ASTN1: variants seen among roughly 807,000 people sequenced by gnomAD.
ASTN1 encodes the protein astrotactin 1, also known as astrotactin-1.
In ASTN1, 41 loss-of-function variants were observed where a neutral mutation model predicts 140.7. The ratio of observed to expected loss-of-function variants is 0.29; its 90% CI spans 0.23 to 0.38. The LOEUF is 0.38. ASTN1 is among the 10% of genes least tolerant of loss of function. ASTN1 has a pLI of 1.00. For missense variants in ASTN1, 1,479 were observed against 1,678.8 expected (o/e 0.88, Z 2.08); for synonymous variants, 640 against 652.2 (o/e 0.98, Z 0.29).
intron 8 of ASTN1, among the ~76,000 whole-genome samples, chr1:177,006,369 C>T (rs1674994870): frequency 1.3e-5 from 2 of 150,496 alleles, no homozygotes; most frequent in Non-Finnish European, 1.5e-5. Flanking sequence ...GTTTTCTCTA[C>T]ACATGGGATA....
intron 1 of ASTN1, among the ~76,000 whole-genome samples, chr1:177,160,842 A>G (rs775054102): frequency 1.7e-4 from 26 of 152,366 alleles, no homozygotes; most frequent in Admixed American, 5.9e-4. Flanking sequence ...TTCACCACAC[A>G]TCTGAAAGCA....
At chr1:176,993,356 T>C (rs1674280108) in intron 8 of ASTN1, among the ~76,000 whole-genome samples, 1 of 152,166 alleles carries the variant, frequency 6.6e-6, no homozygotes, top group Non-Finnish European at 1.5e-5. Context: ...CTTATTTGGC[T>C]ATATGTGGGT....
chr1:176,962,341 G>A (rs1672700049), intron 9 of ASTN1, among the ~76,000 whole-genome samples: 1 of 152,186 alleles, frequency 6.6e-6, no homozygotes, highest in African/African-American at 2.4e-5. Context: ...ATTTGGGATT[G>A]CAGATTATCA....
At chr1:176,928,648 G>T (rs1156263436) in intron 16 of ASTN1, among the ~76,000 whole-genome samples, 4 of 152,204 alleles carry the variant, frequency 2.6e-5, no homozygotes, top group African/African-American at 9.6e-5. Context: ...ATGCCCCAAG[G>T]CTTGGAAGTG....
At chr1:176,967,191 T>C (rs1392073448) in intron 8 of ASTN1, among the ~76,000 whole-genome samples, 2 of 152,160 alleles carry the variant, frequency 1.3e-5, no homozygotes, top group Non-Finnish European at 2.9e-5. Flanking sequence ...CTCCATAAAG[T>C]ATCCAAACAA....
chr1:176,934,011 T>C (rs890418299), intron 16 of ASTN1, 141 bp downstream of exon 16: 3 of 896,964 alleles, frequency 3.3e-6, no homozygotes, highest in Non-Finnish European at 4.7e-6. Context: ...ACCTTGGAAA[T>C]GTTACAGATG....
At chr1:176,899,916 C>T (rs1227133737) in intron 16 of ASTN1, among the ~76,000 whole-genome samples, 1 of 152,198 alleles carries the variant, frequency 6.6e-6, no homozygotes, top group Non-Finnish European at 1.5e-5. Context: ...GAAGATAGGA[C>T]ATAAACTGAC....
chr1:177,147,590 T>C (rs966922203), intron 1 of ASTN1, among the ~76,000 whole-genome samples: 11 of 152,040 alleles, frequency 7.2e-5, no homozygotes, highest in Admixed American at 2.0e-4. Context: ...ATGAAAAGAA[T>C]TAGAGGGAAA....
chr1:177,004,920 A>C (rs1372538097), intron 8 of ASTN1, among the ~76,000 whole-genome samples: 2 of 152,190 alleles, frequency 1.3e-5, no homozygotes, highest in Non-Finnish European at 2.9e-5. Flanking sequence ...GCCTAGGCAA[A>C]TAATTTATGA....
At chr1:177,074,460 T>C (rs1678793143) in intron 1 of ASTN1, among the ~76,000 whole-genome samples, 1 of 152,336 alleles carries the variant, frequency 6.6e-6, no homozygotes, top group South Asian at 2.1e-4. Context: ...GATCACTATG[T>C]ATGGCACACC....
At chr1:177,094,167 T>C (rs965735006) in intron 1 of ASTN1, among the ~76,000 whole-genome samples, 2 of 152,224 alleles carry the variant, frequency 1.3e-5, no homozygotes, top group African/African-American at 4.8e-5. Flanking sequence ...TCAAATGAGA[T>C]AGATATTATC....
intron 16 of ASTN1, among the ~76,000 whole-genome samples, chr1:176,897,324 C>G (rs868845430): frequency 1.3e-5 from 2 of 150,636 alleles, no homozygotes; most frequent in Non-Finnish European, 3.0e-5. Context: ...CCGGCCCCCC[C>G]ACCAAAAAAA....
intron 1 of ASTN1, among the ~76,000 whole-genome samples, chr1:177,156,746 G>T (rs1161420190): frequency 6.6e-6 from 1 of 152,236 alleles, no homozygotes; most frequent in East Asian, 1.9e-4. Flanking sequence ...AGGGTAAAAA[G>T]GTAACTTTAC....
chr1:177,146,093 T>C (rs368172021), intron 1 of ASTN1, among the ~76,000 whole-genome samples: 219 of 152,250 alleles, frequency 1.4e-3, no homozygotes, highest in African/African-American at 5.0e-3. Context: ...AAGCCATATA[T>C]TTTATTAAAA....
rs61332732 is a variant in ASTN1 at position 176,866,653 on chromosome 1, AAAT to A, written c.3648-2135_3648-2133del. Among the ~76,000 whole-genome samples the A allele has an allele frequency of 9.9e-5, 15 of 152,184 alleles. No individual in the cohort carries two copies. In the South Asian group the frequency reaches 1.2e-3, roughly 13 times the overall value. ...CGTTGCTGCTTTCAGTGCTCACTTTAAATAATAATAATTAATTTGGGATTGCCA... is the reference window on the plus strand; with the variant it reads ...CGTTGCTGCTTTCAGTGCTCACTTTAAATAATAATTAATTTGGGATTGCCA... On this transcript the variant is annotated intron_variant, in intron 22 of 22. Coordinates refer to ENST00000361833, the MANE Select transcript of ASTN1 (RefSeq NM_004319.3).
chr1:177,091,128 G>A (rs1679730049), intron 1 of ASTN1, among the ~76,000 whole-genome samples: 2 of 152,174 alleles, frequency 1.3e-5, no homozygotes, highest in South Asian at 4.1e-4. Context: ...TTAGGTGCAT[G>A]TACTGAATTA....
intron 1 of ASTN1, among the ~76,000 whole-genome samples, chr1:177,118,266 T>C (rs1402616344): frequency 6.6e-6 from 1 of 152,202 alleles, no homozygotes; most frequent in African/African-American, 2.4e-5. Flanking sequence ...GTAATAACAA[T>C]GGTCTTTGAA....
chr1:176,888,262 A>AATCAAGAGGCAGAGTGTCAAGG, intron 17 of ASTN1, 58 bp from the exon 18 acceptor site: 3 of 1,590,970 alleles, frequency 1.9e-6, no homozygotes, highest in Non-Finnish European at 2.6e-6. Context: ...AGGCCATCAG[A>AATCAAGAGGCAGAGTGTCAAGG]ATCAAGAGGC....
intron 1 of ASTN1, among the ~76,000 whole-genome samples, chr1:177,095,570 G>T (rs1199889046): frequency 6.6e-6 from 1 of 152,142 alleles, no homozygotes; most frequent in African/African-American, 2.4e-5. Flanking sequence ...AGGTACCAGT[G>T]GTAAACCTTG....
Sources: allele counts gnomAD v4.1 joint callset (sites outside exome capture counted in the v4.1 genomes callset), GRCh38; gene constraint gnomAD v4.1.1; transcripts MANE v1.5; gene names NCBI Gene and HGNC (gene_info 2026-07-23, HGNC 2026-07-21).